BACH2: variants seen among roughly 807,000 people sequenced by gnomAD.
BACH2 encodes the protein BACH transcriptional regulator 2.
BACH2 carries 5 observed loss-of-function variants against 61.8 expected under a neutral mutation model. That is an observed-to-expected ratio of 0.08 (90% CI 0.04 to 0.17). The LOEUF (loss-of-function observed/expected upper bound fraction) is 0.17. BACH2 is among the 10% of genes least tolerant of loss of function. BACH2 has a pLI of 1.00. For missense variants in BACH2, 824 were observed against 1,091.1 expected (o/e 0.76, Z 3.45); for synonymous variants, 446 against 440.1 (o/e 1.01, Z -0.17).
intron 1 of BACH2, among the ~76,000 whole-genome samples, chr6:90,274,944 C>G (rs1333026540): frequency 6.6e-6 from 1 of 152,168 alleles, no homozygotes; most frequent in Non-Finnish European, 1.5e-5. Context: ...AGTTCCTCCC[C>G]CTAGTGTTCA....
At chr6:90,292,827 T>C (rs1772223604) in intron 1 of BACH2, among the ~76,000 whole-genome samples, 2 of 152,222 alleles carry the variant, frequency 1.3e-5, no homozygotes, top group African/African-American at 4.8e-5. Flanking sequence ...TTTGAGCCAA[T>C]ATTTAAAAAT....
At chr6:90,007,524 T>G (rs983080351) in intron 6 of BACH2, among the ~76,000 whole-genome samples, 1 of 152,130 alleles carries the variant, frequency 6.6e-6, no homozygotes, top group Non-Finnish European at 1.5e-5. Flanking sequence ...GCCCCATCAC[T>G]TCCTACTGTC....
chr6:90,106,149 A>T (rs1196241388), intron 4 of BACH2, among the ~76,000 whole-genome samples: 1 of 152,226 alleles, frequency 6.6e-6, no homozygotes, highest in East Asian at 1.9e-4. Flanking sequence ...AAGCTAGAAC[A>T]ATTCAAAGAT....
intron 3 of BACH2, among the ~76,000 whole-genome samples, chr6:90,215,464 T>G (rs1342342751): frequency 1.3e-5 from 2 of 152,208 alleles, no homozygotes; most frequent in Non-Finnish European, 2.9e-5. Context: ...CAATGTCTTC[T>G]GGCACCTAAG....
chr6:90,293,497 G>A (rs535196218), intron 1 of BACH2, among the ~76,000 whole-genome samples: 1 of 152,358 alleles, frequency 6.6e-6, no homozygotes, highest in East Asian at 1.9e-4. Flanking sequence ...GGAATTCTGA[G>A]AAACAGCTCA....
intron 3 of BACH2, among the ~76,000 whole-genome samples, chr6:90,216,028 A>G (rs1769523917): frequency 6.6e-6 from 1 of 152,220 alleles, no homozygotes; most frequent in South Asian, 2.1e-4. Flanking sequence ...GAATGAGAGA[A>G]GCAAAGACAG....
intron 5 of BACH2, among the ~76,000 whole-genome samples, chr6:90,060,594 T>C (rs1780634049): frequency 6.6e-6 from 1 of 152,194 alleles, no homozygotes; most frequent in South Asian, 2.1e-4. Context: ...TTTCTTCTTA[T>C]CTGATACTTC....
rs374226086 is a variant in BACH2, at chr6:89,990,614, C to G, written c.243+17988G>C. Among the ~76,000 whole-genome samples the G allele has an allele frequency of 1.1e-4, 17 of 152,048 alleles. No individual in the cohort carries two copies. The East Asian group carries it at 1.9e-3, about 17-fold the overall frequency. On this transcript the variant is annotated intron_variant, in intron 6 of 8. Coordinates refer to ENST00000257749, the MANE Select transcript of BACH2 (RefSeq NM_021813.4). The stretch of plus-strand genomic sequence containing the variant: ...GCAACCCATCTACCTTGGCTGGTCT[C>G]TCTCCTCCCAATACCCACCCCCACC...
At chr6:90,225,907 G>T (rs1301928925) in intron 3 of BACH2, among the ~76,000 whole-genome samples, 1 of 152,058 alleles carries the variant, frequency 6.6e-6, no homozygotes, top group Non-Finnish European at 1.5e-5. Flanking sequence ...AAACCAAGAG[G>T]CCATCAGTTC....
chr6:90,125,614 A>G (rs1372891238), intron 4 of BACH2, among the ~76,000 whole-genome samples: 2 of 152,174 alleles, frequency 1.3e-5, no homozygotes, highest in African/African-American at 4.8e-5. Context: ...CTCAGAACCA[A>G]TGGAAAAAAA....
At chr6:90,158,987 T>C (rs1785093467) in intron 4 of BACH2, among the ~76,000 whole-genome samples, 1 of 152,238 alleles carries the variant, frequency 6.6e-6, no homozygotes, top group Non-Finnish European at 1.5e-5. Flanking sequence ...GAATTAACCA[T>C]CTTCTGCCCT....
At chr6:90,146,524 TAAC>T (rs1355584688) in intron 4 of BACH2, among the ~76,000 whole-genome samples, 1 of 152,220 alleles carries the variant, frequency 6.6e-6, no homozygotes, top group Non-Finnish European at 1.5e-5. Flanking sequence ...GAAATGGCTG[TAAC>T]TACTCCATGA....
chr6:90,034,458 A>G (rs1476815788), intron 5 of BACH2, among the ~76,000 whole-genome samples: 1 of 152,176 alleles, frequency 6.6e-6, no homozygotes, highest in Non-Finnish European at 1.5e-5. Flanking sequence ...ACTCCCAAGT[A>G]TTGTGTGAGT....
intron 4 of BACH2, chr6:90,116,927 C>A: frequency 2.2e-6 from 1 of 460,612 alleles, no homozygotes; most frequent in Non-Finnish European, 3.8e-6. Context: ...TTCCCTATGT[C>A]CAAGTACATG....
intron 4 of BACH2, among the ~76,000 whole-genome samples, chr6:90,099,380 T>G (rs1782518405): frequency 7.2e-6 from 1 of 139,802 alleles, no homozygotes; most frequent in African/African-American, 3.3e-5. Flanking sequence ...CAACATATGC[T>G]TTTGTTTTAT....
intron 3 of BACH2, among the ~76,000 whole-genome samples, chr6:90,237,706 C>G (rs1336980644): frequency 1.3e-5 from 2 of 152,194 alleles, no homozygotes; most frequent in Non-Finnish European, 2.9e-5. Context: ...AATGAACCTG[C>G]TGGGAAATGT....
In BACH2 at chr6:90,008,938, A is replaced by AAG. The variant is rs1445986698; in HGVS notation, c.-12-84_-12-83dup. 6.7e-7 allele frequency: 1 copy of AAG among 1,502,130 alleles called. No homozygotes were observed. Among genetic ancestry groups the AAG allele is most frequent in the African/African-American group, 1.4e-5 (1 of 72,240 alleles). The allele number at this position is 1,502,130 out of a possible 1,614,324, so 93.1% of individuals were successfully genotyped here. On this transcript the variant is annotated intron_variant, in intron 5 of 8. Transcript: ENST00000257749. This position sits in a 1 kb window ranked among gnomAD's most constrained non-coding sequence, Gnocchi z 4.1. ...GTAGGATCAGAGAGAGGAGGTGAGA[A>AAG]AGAACATCATGGTTCCTGTGTCCCA...
intron 6 of BACH2, among the ~76,000 whole-genome samples, chr6:89,962,993 C>T (rs1774833527): frequency 6.6e-6 from 1 of 152,028 alleles, no homozygotes; most frequent in African/African-American, 2.4e-5. Context: ...TATAAAGAAC[C>T]CCTATGTAAA....
At chr6:90,167,697 T>A (rs990831182) in intron 4 of BACH2, among the ~76,000 whole-genome samples, 5 of 152,324 alleles carry the variant, frequency 3.3e-5, no homozygotes, top group African/African-American at 1.2e-4. Context: ...GAGCTTCATC[T>A]GTAAGGGCTC....
Sources: gnomAD v4.1 joint callset for allele counts (sites outside exome capture counted in the v4.1 genomes callset) on GRCh38, gnomAD v4.1.1 for gene constraint, Gnocchi (gnomAD v3.1) non-coding constraint, MANE v1.5 for transcripts, NCBI Gene and HGNC (gene_info 2026-07-23, HGNC 2026-07-21) for gene names.